The following LZTFL1 variants were observed in gnomAD, a reference collection of about 807,000 sequenced individuals.
LZTFL1 encodes the protein leucine zipper transcription factor like 1.
In LZTFL1, 25 loss-of-function variants were observed where a neutral mutation model predicts 45.9. The ratio of observed to expected loss-of-function variants is 0.54; its 90% confidence interval spans 0.40 to 0.76. The LOEUF is 0.76. LZTFL1 is among the 30% of genes least tolerant of loss of function. LZTFL1 has a pLI of 0.00. For missense variants in LZTFL1, 277 were observed against 331.1 expected (o/e 0.84, Z 1.27); for synonymous variants, 93 against 117.4 (o/e 0.79, Z 1.35).
At chr3:45,903,595 C>A (rs1192792258) in intron 2 of LZTFL1, among the ~76,000 whole-genome samples, 7 of 152,204 alleles carry the variant, frequency 4.6e-5, no homozygotes, top group Admixed American at 4.6e-4. Context: ...CTGGACCCTG[C>A]CATTTCACCC....
Position 45,831,071 on chromosome 3 carries a change from A to C in LZTFL1, c.522+2T>G. On this transcript the variant is annotated splice_donor_variant, in intron 6 of 9. Transcript: ENST00000296135. LOFTEE classifies it high-confidence loss of function. ...AATTGTGTCAAAACATTTCTCAGTT[A>C]CCTGTATTTCAATGGTCTTCAACCT... The C allele has an allele frequency of 6.2e-7, 1 of 1,608,896 alleles. No individual in the cohort carries two copies. Among genetic ancestry groups the C allele is most frequent in the Non-Finnish European group, 8.5e-7 (1 of 1,176,996 alleles).
At chr3:45,832,101 G>A (rs1370480926) in intron 5 of LZTFL1, among the ~76,000 whole-genome samples, 1 of 152,008 alleles carries the variant, frequency 6.6e-6, no homozygotes, top group Non-Finnish European at 1.5e-5. Context: ...CGGGCGTGGT[G>A]GCAGGCGCTA....
intron 3 of LZTFL1, 175 bp downstream of exon 3, chr3:45,835,415 A>G: frequency 1.7e-6 from 1 of 585,734 alleles, no homozygotes; most frequent in Non-Finnish European, 3.0e-6. Flanking sequence ...AGAACTTTTA[A>G]AAGGGTGCTT....
intron 1 of LZTFL1, among the ~76,000 whole-genome samples, chr3:45,914,006 C>T (rs1217087086): frequency 1.3e-5 from 2 of 152,166 alleles, no homozygotes; most frequent in Non-Finnish European, 2.9e-5. Context: ...CATTTAGAAA[C>T]ATCCTCCTCT....
intron 2 of LZTFL1, among the ~76,000 whole-genome samples, chr3:45,885,049 C>T (rs993165163): frequency 1.3e-5 from 2 of 152,218 alleles, no homozygotes; most frequent in African/African-American, 4.8e-5. Context: ...TGTGCATGCC[C>T]TCTACCTTTC....
rs564213399 is a variant in LZTFL1 at position 45,847,853 on chromosome 3, T to G, written c.-49+7133A>C. On this transcript the variant is annotated intron_variant, in intron 4 of 4. Transcript: ENST00000472635. The stretch of plus-strand genomic sequence containing the variant: ...CTCTTCTTTATGAATAAATGTCCTT[T>G]GTGGTATCTTTTTTCCCAGAATGGG... 3.3e-5 allele frequency among the ~76,000 whole-genome samples: 5 copies of G among 152,350 alleles called. No individual in the cohort carries two copies. The East Asian group carries it at 9.6e-4, about 29-fold the overall frequency.
At position 45,901,460 on chromosome 3, in the gene LZTFL1, C is replaced by G; in HGVS notation, c.-215+11660G>C. ...CCCTGAAGGTCATTCTGGGGTTCTTCCTTCCCTTCGTGGTCATGGCTTGCT... is the reference window on the plus strand; with the variant it reads ...CCCTGAAGGTCATTCTGGGGTTCTTGCTTCCCTTCGTGGTCATGGCTTGCT... On this transcript the variant is annotated intron_variant, in intron 2 of 4. Transcript: ENST00000472635. This position sits in a 1 kb window ranked among gnomAD's most constrained non-coding sequence, Gnocchi z 4.3. 6.2e-7 allele frequency: 1 copy of G among 1,614,168 alleles called. No homozygotes were observed. The highest frequency in any genetic ancestry group is 8.5e-7 in the Non-Finnish European group (1 of 1,180,020).
chr3:45,869,940 A>G (rs1701643801), intron 2 of LZTFL1, among the ~76,000 whole-genome samples: 2 of 152,268 alleles, frequency 1.3e-5, no homozygotes, highest in African/African-American at 4.8e-5. Context: ...AGTTATGTCA[A>G]CAAAAGTACT....
intron 2 of LZTFL1, among the ~76,000 whole-genome samples, chr3:45,907,633 T>G (rs1341956812): frequency 6.6e-6 from 1 of 152,218 alleles, no homozygotes; most frequent in Non-Finnish European, 1.5e-5. Context: ...GCTCGCTGCG[T>G]GGGCATGGCA....
intron 2 of LZTFL1, among the ~76,000 whole-genome samples, chr3:45,890,029 A>G (rs989143421): frequency 9.3e-5 from 14 of 150,876 alleles, no homozygotes; most frequent in Non-Finnish European, 1.6e-4. Flanking sequence ...GATCACATAA[A>G]TTTATACTCC....
chr3:45,900,568 T>A lies in LZTFL1; in HGVS notation c.-215+12552A>T, dbSNP rs559512640. Among the ~76,000 whole-genome samples the A allele has an allele frequency of 6.6e-6, 1 of 152,338 alleles. No individual in the cohort carries two copies. Among genetic ancestry groups the A allele is most frequent in the East Asian group, 1.9e-4 (1 of 5,186 alleles). ...CTGAGAGTGAAGCCACACATCTGAC[T>A]TATTTATTATGGTTTCTTTGGCACA... On this transcript the variant is annotated intron_variant, in intron 2 of 4. Transcript: ENST00000472635. This position sits in a 1 kb window ranked among gnomAD's most constrained non-coding sequence, Gnocchi z 4.7.
intron 2 of LZTFL1, chr3:45,884,173 G>A (rs1463203282): frequency 6.5e-6 from 1 of 152,684 alleles, no homozygotes; most frequent in African/African-American, 2.4e-5. Flanking sequence ...TTGGCAGGGT[G>A]AGAATGCAAG....
At chr3:45,826,456 ACAC>A in intron 9 of LZTFL1, 124 bp from the exon 10 acceptor site, 3 of 792,198 alleles carry the variant, frequency 3.8e-6, no homozygotes, top group Non-Finnish European at 6.5e-6. Flanking sequence ...TAGAAGTTGG[ACAC>A]ATTCAACTTT....
At chr3:45,841,950 T>C (rs779596100) in intron 1 of LZTFL1, 39 bp downstream of exon 1, 6 of 1,608,428 alleles carry the variant, frequency 3.7e-6, no homozygotes, top group Non-Finnish European at 5.1e-6. Flanking sequence ...CCGCGCTCTC[T>C]CCTGTGCGCG....
chr3:45,908,490 G>A (rs767414072), intron 2 of LZTFL1, among the ~76,000 whole-genome samples: 2 of 152,344 alleles, frequency 1.3e-5, no homozygotes, highest in African/African-American at 4.8e-5. Flanking sequence ...GGAACAAGCT[G>A]ATGGTTATCA....
At chr3:45,913,806 C>T (rs764521902) in intron 1 of LZTFL1, among the ~76,000 whole-genome samples, 1 of 152,186 alleles carries the variant, frequency 6.6e-6, no homozygotes, top group Non-Finnish European at 1.5e-5. Context: ...ACGCATACCC[C>T]CTGGATACTT....
intron 1 of LZTFL1, among the ~76,000 whole-genome samples, chr3:45,840,409 G>A (rs1282512664): frequency 6.6e-6 from 1 of 152,168 alleles, no homozygotes; most frequent in East Asian, 1.9e-4. Flanking sequence ...ACAAAGCACT[G>A]GATTAGAAAC....
At chr3:45,887,791 G>T (rs982083374) in intron 2 of LZTFL1, among the ~76,000 whole-genome samples, 1 of 152,254 alleles carries the variant, frequency 6.6e-6, no homozygotes, top group Non-Finnish European at 1.5e-5. Context: ...CTGCTGGGCG[G>T]TTGGCAGGCA....
At position 45,835,680 on chromosome 3, in the gene LZTFL1, T is replaced by C. The variant is rs899353231; in HGVS notation, c.233A>G (p.Tyr78Cys). 3.1e-6 allele frequency: 5 copies of C among 1,614,002 alleles called. No individual in the cohort carries two copies. Among genetic ancestry groups the C allele is most frequent in the Non-Finnish European group, 4.2e-6 (5 of 1,179,824 alleles). The part of the protein sequence containing the change: ...EVESELINTA[Y>C]TNVLLLRQLF... ...CTGTCGCAGAAGTAACACATTGGTA[T>C]AGGCAGTGTTGATGAGCTCAGATTC... The change falls in exon 3 of 10, where the codon TAT becomes TGT. Residue 78 changes from tyrosine (Y) to cysteine (C), a missense_variant. Transcript: ENST00000296135.
Sources: gnomAD v4.1 joint callset for allele counts (sites outside exome capture counted in the v4.1 genomes callset) on GRCh38, gnomAD v4.1.1 for gene constraint, Gnocchi (gnomAD v3.1) non-coding constraint, MANE v1.5 for transcripts, NCBI Gene and HGNC (gene_info 2026-07-23, HGNC 2026-07-21) for gene names.